The following NCALD variants were observed in gnomAD, a reference collection of about 807,000 sequenced individuals.
NCALD encodes the protein neurocalcin-delta.
NCALD carries 10 observed loss-of-function variants against 18.6 expected under a neutral mutation model. The ratio of observed to expected loss-of-function variants is 0.54; its 90% CI spans 0.33 to 0.91. NCALD has a LOEUF of 0.91. Among genes scored for constraint, NCALD ranks in the 40% least tolerant of loss-of-function variants. The pLI is 0.03. For synonymous variants in NCALD, 88 were observed against 87.4 expected (o/e 1.01, Z -0.04); for missense variants, 184 against 247.6 (o/e 0.74, Z 1.72).
intron 2 of NCALD, among the ~76,000 whole-genome samples, chr8:101,988,334 ATG>A (rs1176177970): frequency 2.0e-5 from 3 of 152,192 alleles, no homozygotes; most frequent in Non-Finnish European, 4.4e-5. Flanking sequence ...GCGTGCATGT[ATG>A]TGTGTGTATG....
chr8:101,846,108 C>T (rs1814858457), intron 4 of NCALD, among the ~76,000 whole-genome samples: 1 of 152,214 alleles, frequency 6.6e-6, no homozygotes, highest in Non-Finnish European at 1.5e-5. Context: ...CATATCTTGG[C>T]TACTGTGAAC....
At chr8:101,705,592 G>T (rs548859520) in intron 2 of NCALD, among the ~76,000 whole-genome samples, 16 of 152,312 alleles carry the variant, frequency 1.1e-4, no homozygotes, top group African/African-American at 3.8e-4. Context: ...ACTGCCTGGA[G>T]TAGGGGTGGA....
At chr8:101,711,430 G>A (rs1165079731) in intron 2 of NCALD, among the ~76,000 whole-genome samples, 1 of 152,030 alleles carries the variant, frequency 6.6e-6, no homozygotes, top group Non-Finnish European at 1.5e-5. Context: ...TTGACAAATT[G>A]ACAGAAGTAG....
At chr8:101,764,022 T>C (rs1479216915) in intron 1 of NCALD, among the ~76,000 whole-genome samples, 1 of 149,162 alleles carries the variant, frequency 6.7e-6, no homozygotes, top group Non-Finnish European at 1.5e-5. Flanking sequence ...ACACCCCCTA[T>C]TGGTCTGTCT....
chr8:101,768,390 G>C (rs1177941579), intron 1 of NCALD, among the ~76,000 whole-genome samples: 1 of 13,596 alleles, frequency 7.4e-5, no homozygotes, highest in Non-Finnish European at 1.6e-4. Flanking sequence ...GTTGTAGGAG[G>C]GCGGCCAATG....
At chr8:101,924,900 A>G (rs145311837) in intron 2 of NCALD, among the ~76,000 whole-genome samples, 56 of 152,306 alleles carry the variant, frequency 3.7e-4, no homozygotes, top group Middle Eastern at 3.4e-3. Context: ...AAGAGGATTC[A>G]GGCTTCCCTT....
At chr8:101,800,107 C>T (rs1210258196) in intron 4 of NCALD, among the ~76,000 whole-genome samples, 4 of 151,796 alleles carry the variant, frequency 2.6e-5, no homozygotes, top group Non-Finnish European at 5.9e-5. Context: ...GTCATTTAGG[C>T]ATAAGAAAAA....
intron 3 of NCALD, chr8:101,690,875 G>C: frequency 2.0e-6 from 2 of 985,374 alleles, no homozygotes; most frequent in Non-Finnish European, 2.4e-6. Context: ...GTCTCTCAGG[G>C]GTCGGCTCTG....
intron 1 of NCALD, among the ~76,000 whole-genome samples, chr8:101,782,657 C>T (rs924714052): frequency 6.6e-6 from 1 of 152,186 alleles, no homozygotes; most frequent in African/African-American, 2.4e-5. Flanking sequence ...ATGTTCTCAT[C>T]ATGCTTCTCA....
At chr8:101,951,643 C>T (rs570597005) in intron 2 of NCALD, among the ~76,000 whole-genome samples, 122 of 152,336 alleles carry the variant, frequency 8.0e-4, no homozygotes, top group African/African-American at 2.8e-3. Flanking sequence ...CATATTTTAA[C>T]ATTCCTCCCA....
intron 1 of NCALD, among the ~76,000 whole-genome samples, chr8:102,040,618 G>C (rs1823019367): frequency 6.6e-6 from 1 of 152,272 alleles, no homozygotes; most frequent in East Asian, 1.9e-4. Context: ...ATTAGAATGG[G>C]GGAAAACAGG....
chr8:101,973,623 G>A (rs1044136573), intron 2 of NCALD, among the ~76,000 whole-genome samples: 1 of 152,176 alleles, frequency 6.6e-6, no homozygotes, highest in African/African-American at 2.4e-5. Context: ...GGTAAACCAA[G>A]GAGAAGAAGC....
In NCALD at chr8:101,952,497, A is replaced by G. The variant is rs112834214; in HGVS notation, c.-156-36639T>C. On this transcript the variant is annotated intron_variant, in intron 2 of 6. Transcript: ENST00000311028. ...CAAAGCCATGTAGGCAATACCCACCAGACACATCTCAGCCCTCCTGGGAGA... is the reference window on the plus strand; with the variant it reads ...CAAAGCCATGTAGGCAATACCCACCGGACACATCTCAGCCCTCCTGGGAGA... Among the ~76,000 whole-genome samples the G allele has an allele frequency of 4.6e-3, 694 of 152,300 alleles. 3 individuals carry two copies. The highest frequency in any genetic ancestry group is 0.016 in the African/African-American group (664 of 41,566).
At chr8:101,809,293 A>C (rs1396566817) in intron 4 of NCALD, among the ~76,000 whole-genome samples, 1 of 152,134 alleles carries the variant, frequency 6.6e-6, no homozygotes, top group Non-Finnish European at 1.5e-5. Context: ...CAGGAGTAAA[A>C]ATGGCCTCTT....
intron 4 of NCALD, among the ~76,000 whole-genome samples, chr8:101,863,517 AG>A (rs970842805): frequency 1.1e-4 from 16 of 151,642 alleles, no homozygotes; most frequent in Admixed American, 3.3e-4. Context: ...CCCACCAGCT[AG>A]GGGGATTTAG....
chr8:101,724,703 C>G (rs1178039545), intron 1 of NCALD, among the ~76,000 whole-genome samples: 1 of 152,190 alleles, frequency 6.6e-6, no homozygotes, highest in African/African-American at 2.4e-5. Flanking sequence ...GATAGGCAGG[C>G]AGGCTTTCTC....
chr8:101,758,636 ATG>A (rs1244532070), intron 1 of NCALD, among the ~76,000 whole-genome samples: 2 of 152,044 alleles, frequency 1.3e-5, no homozygotes, highest in East Asian at 3.9e-4. Context: ...TTCTGTCCCC[ATG>A]TGTCCTGACT....
chr8:101,798,912 AT>A (rs1329997308), intron 4 of NCALD, among the ~76,000 whole-genome samples: 3 of 152,214 alleles, frequency 2.0e-5, no homozygotes, highest in Non-Finnish European at 4.4e-5. Flanking sequence ...GAAGAAGAAT[AT>A]TTTTTTCAAC....
intron 1 of NCALD, among the ~76,000 whole-genome samples, chr8:101,783,885 A>T (rs1812115652): frequency 6.6e-6 from 1 of 152,180 alleles, no homozygotes; most frequent in Non-Finnish European, 1.5e-5. Context: ...TCCTCCAGAA[A>T]TTAGGTTAGG....
Sources: gnomAD v4.1 joint callset for allele counts (sites outside exome capture counted in the v4.1 genomes callset) on GRCh38, gnomAD v4.1.1 for gene constraint, MANE v1.5 for transcripts, NCBI Gene and HGNC (gene_info 2026-07-23, HGNC 2026-07-21) for gene names.